Variants in ERBB4 observed in about 807,000 individuals in gnomAD.
ERBB4 encodes the protein receptor tyrosine-protein kinase erbB-4.
Under a neutral mutation model 158.0 loss-of-function variants are expected in ERBB4, and 42 were observed. That is an observed-to-expected ratio of 0.27 (90% CI 0.21 to 0.34). The LOEUF (loss-of-function observed/expected upper bound fraction) is 0.34, where lower values mean the gene tolerates loss of function less well. Ranked by LOEUF, ERBB4 falls within the 10% of genes least tolerant of loss-of-function variation. The pLI, the probability that ERBB4 is intolerant of heterozygous loss-of-function variation, is 1.00. For missense variants in ERBB4, 1,333 were observed against 1,624.1 expected, an observed-to-expected ratio of 0.82 and a Z score of 3.08; for synonymous variants, 583 against 558.7, an observed-to-expected ratio of 1.04 and a Z score of -0.61.
intron 5 of ERBB4, among the ~76,000 whole-genome samples, chr2:211,728,263 T>A (rs889490955): frequency 7.9e-5 from 12 of 151,730 alleles, no homozygotes; most frequent in African/African-American, 2.9e-4. Context: ...ATTCCATTTA[T>A]TTTGTTTCTA....
chr2:212,266,998 G>A (rs543108735), intron 1 of ERBB4, among the ~76,000 whole-genome samples: 3 of 152,028 alleles, frequency 2.0e-5, no homozygotes, highest in African/African-American at 7.2e-5. Flanking sequence ...GAAGTTTGGG[G>A]CTTTGAAATC....
chr2:211,406,114 T>C (rs3791696), intron 25 of ERBB4, among the ~76,000 whole-genome samples: 35,035 of 152,116 alleles, frequency 0.23, 4,631 homozygotes, highest in South Asian at 0.47. Flanking sequence ...GGTCTGACTT[T>C]GCCATGCCCC....
At chr2:212,230,288 A>G (rs1463664211) in intron 1 of ERBB4, among the ~76,000 whole-genome samples, 2 of 152,150 alleles carry the variant, frequency 1.3e-5, no homozygotes, top group Non-Finnish European at 2.9e-5. Context: ...GTCTTGAAAA[A>G]AAAGGAAAAA....
intron 3 of ERBB4, among the ~76,000 whole-genome samples, chr2:211,799,193 A>C (rs1309261178): frequency 6.6e-6 from 1 of 152,160 alleles, no homozygotes; most frequent in Non-Finnish European, 1.5e-5. Context: ...ATAATGAATT[A>C]ATTCAAAAAC....
rs140232259 is a variant in ERBB4, at chr2:212,370,748, C to G, written c.82+167701G>C. The stretch of plus-strand genomic sequence containing the variant: ...CATTTACCTTCTGTTTTTATATAAC[C>G]CTTAAACACTGATTCCCTTAAACAA... On this transcript the variant is annotated intron_variant, in intron 1 of 27. Coordinates refer to ENST00000342788, the MANE Select transcript of ERBB4 (RefSeq NM_005235.3). 6.6e-4 allele frequency among the ~76,000 whole-genome samples: 100 copies of G among 152,092 alleles called. 1 individual carries two copies. The East Asian group carries it at 0.017, about 26-fold the overall frequency.
At chr2:211,444,416 T>C (rs982683559) in intron 20 of ERBB4, among the ~76,000 whole-genome samples, 2 of 152,042 alleles carry the variant, frequency 1.3e-5, no homozygotes, top group African/African-American at 4.8e-5. Flanking sequence ...ATATTTTGTG[T>C]TACTCTTAAG....
chr2:212,469,835 A>G (rs1689025430), intron 1 of ERBB4, among the ~76,000 whole-genome samples: 1 of 152,062 alleles, frequency 6.6e-6, no homozygotes. Flanking sequence ...GACCAGTCTC[A>G]TGGTTTTTGG....
intron 3 of ERBB4, among the ~76,000 whole-genome samples, chr2:211,943,898 C>T (rs1226396847): frequency 6.6e-6 from 1 of 151,592 alleles, no homozygotes; most frequent in Non-Finnish European, 1.5e-5. Flanking sequence ...CTGTATATGT[C>T]TAAGTGACAT....
intron 3 of ERBB4, among the ~76,000 whole-genome samples, chr2:211,926,032 C>G (rs189416190): frequency 2.0e-5 from 3 of 152,154 alleles, no homozygotes; most frequent in African/African-American, 7.2e-5. Flanking sequence ...AAATTGTGAT[C>G]TTTTGCGGAG....
intron 1 of ERBB4, among the ~76,000 whole-genome samples, chr2:212,293,823 G>C (rs1270275667): frequency 7.2e-6 from 1 of 139,334 alleles, no homozygotes; most frequent in Non-Finnish European, 1.5e-5. Flanking sequence ...ACTCCAGCCT[G>C]GGTGACAGAG....
rs975182958 is a variant in ERBB4 at position 212,117,200 on chromosome 2, T to A, written c.234+7552A>T. ...TCTGTGTCCTTTTTAGCATTCTTTA[T>A]CTCACCCTGCTAAGAGGTCATCATG... On this transcript the variant is annotated intron_variant, in intron 2 of 27. Transcript: ENST00000342788. 3.3e-5 allele frequency among the ~76,000 whole-genome samples: 5 copies of A among 152,206 alleles called. No individual in the cohort carries two copies. In the East Asian group the frequency reaches 9.6e-4, roughly 29 times the overall value.
At position 211,379,794 on chromosome 2, in the gene ERBB4, A is replaced by G. The variant is rs1171023229; in HGVS notation, c.*3821T>C. On this transcript the variant is annotated 3_prime_UTR_variant, in exon 28 of 28. Transcript: ENST00000342788. ...GATGGATGAATAATTCCAGTTTTGA[A>G]ATAAAGGTTAGAGAGCTCTAGAAAA... 8 of 231,974 alleles carry G rather than the reference A, an allele frequency of 3.4e-5. No homozygotes were observed. The highest frequency in any genetic ancestry group is 6.8e-5 in the Non-Finnish European group (8 of 117,394). The allele number at this position is 231,974 out of a possible 1,614,324, so 14.4% of individuals were successfully genotyped here.
chr2:211,954,075 C>T (rs890576019), intron 2 of ERBB4, among the ~76,000 whole-genome samples: 1 of 151,992 alleles, frequency 6.6e-6, no homozygotes, highest in Admixed American at 6.6e-5. Flanking sequence ...ATTTATGCTT[C>T]ATTCCACAAC....
chr2:211,881,060 A>G (rs2078648110), intron 3 of ERBB4, among the ~76,000 whole-genome samples: 1 of 152,196 alleles, frequency 6.6e-6, no homozygotes, highest in Non-Finnish European at 1.5e-5. Context: ...ACAAGACCAG[A>G]GCTTTCCATG....
intron 1 of ERBB4, among the ~76,000 whole-genome samples, chr2:212,405,129 G>T (rs2091310442): frequency 6.6e-6 from 1 of 151,770 alleles, no homozygotes; most frequent in Non-Finnish European, 1.5e-5. Context: ...CATCCGTAAG[G>T]AACTTAAATT....
At chr2:211,614,089 TAA>T (rs199707290) in intron 19 of ERBB4, among the ~76,000 whole-genome samples, 1 of 151,866 alleles carries the variant, frequency 6.6e-6, no homozygotes, top group Non-Finnish European at 1.5e-5. Flanking sequence ...TATTCAGCCG[TAA>T]AAAAAGAATG....
At chr2:211,434,004 T>C (rs117589750) in intron 20 of ERBB4, among the ~76,000 whole-genome samples, 1 of 152,324 alleles carries the variant, frequency 6.6e-6, no homozygotes, top group East Asian at 1.9e-4. Flanking sequence ...ATAAAGAGGA[T>C]AATATCAAGG....
In ERBB4 at chr2:212,080,809, C is replaced by T. The variant is rs1044310764; in HGVS notation, c.234+43943G>A. Among the ~76,000 whole-genome samples the T allele has an allele frequency of 4.6e-5, 7 of 151,966 alleles. 1 individual carries two copies. The highest frequency in any genetic ancestry group is 3.9e-4 in the Admixed American group (6 of 15,246). On this transcript the variant is annotated intron_variant, in intron 2 of 27. Coordinates refer to ENST00000342788, the MANE Select transcript of ERBB4 (RefSeq NM_005235.3). ...TCATAGCCTTTCCACTGATTCCTTC[C>T]CCATTACATCTGAAATGACAAAAAG...
intron 2 of ERBB4, among the ~76,000 whole-genome samples, chr2:212,002,313 G>T (rs2076124622): frequency 6.6e-6 from 1 of 152,150 alleles, no homozygotes; most frequent in African/African-American, 2.4e-5. Flanking sequence ...GGTGGCAGTT[G>T]TTCAGGGTAT....
Sources: allele counts gnomAD v4.1 joint callset (sites outside exome capture counted in the v4.1 genomes callset), GRCh38; gene constraint gnomAD v4.1.1; transcripts MANE v1.5; gene names NCBI Gene and HGNC (gene_info 2026-07-23, HGNC 2026-07-21).